The following KLF12 variants were observed in gnomAD, a reference collection of about 807,000 sequenced individuals.
The protein encoded by KLF12 is KLF transcription factor 12, also known as Krueppel-like factor 12.
Under a neutral mutation model 37.8 loss-of-function variants are expected in KLF12, and 9 were observed. That is an observed-to-expected ratio of 0.24 (90% CI 0.14 to 0.42). The LOEUF is 0.42. Ranked by LOEUF, KLF12 falls within the 10% of genes least tolerant of loss-of-function variation. The pLI is 1.00. For synonymous variants in KLF12, 208 were observed against 202.1 expected (o/e 1.03, Z -0.25); for missense variants, 411 against 516.0 (o/e 0.80, Z 1.97).
In KLF12 at chr13:73,848,313, A is replaced by G. The variant is rs1413048682; in HGVS notation, c.124-1940T>C. 6.6e-5 allele frequency among the ~76,000 whole-genome samples: 10 copies of G among 152,162 alleles called. No homozygotes were observed. In the East Asian group the frequency reaches 1.9e-3, roughly 29 times the overall value. On this transcript the variant is annotated intron_variant, in intron 3 of 7. Coordinates refer to ENST00000377669, the MANE Select transcript of KLF12 (RefSeq NM_007249.5). ...GGTAGACAGACAATACAGGAGGGGG[A>G]GCTGATAAATGCGGACCTTATCTGT...
intron 3 of KLF12, among the ~76,000 whole-genome samples, chr13:73,907,597 T>C (rs1196427765): frequency 6.6e-6 from 1 of 152,206 alleles, no homozygotes; most frequent in Non-Finnish European, 1.5e-5. Flanking sequence ...TATTAATATT[T>C]CAGTCCCCAA....
chr13:73,872,450 G>A (rs765538235), intron 3 of KLF12, among the ~76,000 whole-genome samples: 6 of 152,182 alleles, frequency 3.9e-5, no homozygotes, highest in Non-Finnish European at 5.9e-5. Flanking sequence ...CCTCAGTGCC[G>A]TATCTGAGGG....
At chr13:74,020,916 G>A (rs1892826458) in intron 1 of KLF12, among the ~76,000 whole-genome samples, 2 of 151,806 alleles carry the variant, frequency 1.3e-5, no homozygotes, top group South Asian at 4.2e-4. Flanking sequence ...GATGGAATGG[G>A]AAGGAGACAC....
intron 3 of KLF12, among the ~76,000 whole-genome samples, chr13:73,859,011 G>A (rs1377545810): frequency 1.3e-5 from 2 of 152,186 alleles, no homozygotes; most frequent in Non-Finnish European, 2.9e-5. Context: ...TCTGGCAGAT[G>A]GTGTACGGGA....
intron 1 of KLF12, among the ~76,000 whole-genome samples, chr13:74,066,699 T>C (rs1382153519): frequency 6.6e-6 from 1 of 152,166 alleles, no homozygotes; most frequent in Non-Finnish European, 1.5e-5. Context: ...AGAATAATCA[T>C]GGTGATGTTA....
chr13:73,753,925 T>C (rs1472095853), intron 6 of KLF12, among the ~76,000 whole-genome samples: 1 of 152,050 alleles, frequency 6.6e-6, no homozygotes, highest in Non-Finnish European at 1.5e-5. Context: ...GTTGCTTGGA[T>C]CTTCTTGTAT....
At chr13:74,267,807 A>G in the KLF12 span, among the ~76,000 whole-genome samples, 2 of 152,182 alleles carry the variant, frequency 1.3e-5, no homozygotes, top group Non-Finnish European at 2.9e-5. Context: ...TGATTGCTAC[A>G]TAGTATATGC....
chr13:73,738,092 C>CCT (rs1877612776), intron 6 of KLF12, among the ~76,000 whole-genome samples: 1 of 116,756 alleles, frequency 8.6e-6, no homozygotes, highest in African/African-American at 3.1e-5. Context: ...TGTATGTGTA[C>CCT]ATATATATAT....
chr13:73,814,111 T>C (rs1883087643), intron 4 of KLF12, among the ~76,000 whole-genome samples: 1 of 152,224 alleles, frequency 6.6e-6, no homozygotes, highest in Admixed American at 6.5e-5. Context: ...TGAAGAGATT[T>C]AGCAACCACT....
intron 5 of KLF12, among the ~76,000 whole-genome samples, chr13:73,784,700 G>A (rs1881205515): frequency 2.0e-5 from 3 of 148,924 alleles, no homozygotes; most frequent in Non-Finnish European, 4.4e-5. Context: ...GCACGATCTA[G>A]GCTCACTGCA....
the KLF12 span, among the ~76,000 whole-genome samples, chr13:74,143,518 A>G: frequency 0.67 from 101,668 of 152,092 alleles, 39,544 homozygotes; most frequent in East Asian, 0.89. Flanking sequence ...TCATATAATA[A>G]TTAATTTAAT....
intron 1 of KLF12, among the ~76,000 whole-genome samples, chr13:74,013,204 C>T (rs1892594828): frequency 1.3e-5 from 2 of 152,242 alleles, no homozygotes; most frequent in African/African-American, 4.8e-5. Flanking sequence ...GCTAACTGGG[C>T]ATCTCCCAAC....
chr13:73,837,713 A>G (rs1380998924), intron 4 of KLF12, among the ~76,000 whole-genome samples: 1 of 152,208 alleles, frequency 6.6e-6, no homozygotes, highest in African/African-American at 2.4e-5. Flanking sequence ...ATTTCCCAAT[A>G]AACAACATTA....
chr13:73,716,996 A>T (rs1168994544), intron 6 of KLF12, among the ~76,000 whole-genome samples: 1 of 152,204 alleles, frequency 6.6e-6, no homozygotes, highest in African/African-American at 2.4e-5. Context: ...ATTTTAACTT[A>T]GATCGGGGGT....
chr13:74,002,591 T>C (rs1485371692), intron 1 of KLF12, among the ~76,000 whole-genome samples: 1 of 152,080 alleles, frequency 6.6e-6, no homozygotes, highest in Non-Finnish European at 1.5e-5. Flanking sequence ...TGGTCTCAAA[T>C]TCCCAGGCTC....
chr13:73,833,318 T>A (rs560902094), intron 4 of KLF12, among the ~76,000 whole-genome samples: 1 of 152,196 alleles, frequency 6.6e-6, no homozygotes, highest in African/African-American at 2.4e-5. Flanking sequence ...CCCACAGGAG[T>A]TCATCTCCAG....
intron 1 of KLF12, among the ~76,000 whole-genome samples, chr13:74,076,234 G>A (rs1029698843): frequency 2.6e-5 from 4 of 152,234 alleles, no homozygotes; most frequent in African/African-American, 7.2e-5. Flanking sequence ...TTTAAAATAC[G>A]ACTGTTTTCA....
At chr13:74,167,862 T>C in the KLF12 span, among the ~76,000 whole-genome samples, 1 of 152,228 alleles carries the variant, frequency 6.6e-6, no homozygotes. Flanking sequence ...TACATGCATA[T>C]AGTTTATAAA....
the KLF12 span, among the ~76,000 whole-genome samples, chr13:74,152,806 C>T: frequency 1.3e-5 from 2 of 151,604 alleles, no homozygotes; most frequent in Non-Finnish European, 2.9e-5. Context: ...ATTGCTTGAG[C>T]CCGGGGAGTC....
Sources: allele counts gnomAD v4.1 joint callset (sites outside exome capture counted in the v4.1 genomes callset), GRCh38; gene constraint gnomAD v4.1.1; transcripts MANE v1.5; gene names NCBI Gene and HGNC (gene_info 2026-07-23, HGNC 2026-07-21).